BCAS1: variants seen among roughly 807,000 people sequenced by gnomAD.
BCAS1 encodes brain enriched myelin associated protein 1, also known as breast carcinoma-amplified sequence 1.
A neutral mutation model predicts 65.4 loss-of-function variants in BCAS1; 46 were observed. The ratio of observed to expected loss-of-function variants is 0.70; its 90% CI spans 0.55 to 0.90. The LOEUF is 0.90. BCAS1 is among the 40% of genes least tolerant of loss of function. BCAS1 has a pLI of 0.00. For synonymous variants in BCAS1, 298 were observed against 293.5 expected, an observed-to-expected ratio of 1.02 and a Z score of -0.16; for missense variants, 793 against 771.2, an observed-to-expected ratio of 1.03 and a Z score of -0.33.
chr20:53,988,493 C>T (rs1025189453), intron 7 of BCAS1, among the ~76,000 whole-genome samples: 10 of 152,140 alleles, frequency 6.6e-5, no homozygotes, highest in East Asian at 3.8e-4. Context: ...AGTCCTATGA[C>T]GAACGATTAT....
chr20:53,996,153 C>T (rs888562253), intron 4 of BCAS1, 103 bp from the exon 5 acceptor site: 7 of 1,250,234 alleles, frequency 5.6e-6, no homozygotes, highest in Non-Finnish European at 7.7e-6. Flanking sequence ...TAATTCCAGC[C>T]ATACTTCTTC....
intron 4 of BCAS1, among the ~76,000 whole-genome samples, chr20:54,023,174 G>C (rs1021478782): frequency 6.6e-6 from 1 of 152,108 alleles, no homozygotes; most frequent in Non-Finnish European, 1.5e-5. Context: ...TTGGGATTTT[G>C]GGTATTTACA....
chr20:54,007,182 C>A (rs1349831009), intron 4 of BCAS1, among the ~76,000 whole-genome samples: 1 of 152,206 alleles, frequency 6.6e-6, no homozygotes, highest in African/African-American at 2.4e-5. Flanking sequence ...GTCTAGGTTG[C>A]CCGCAGCTCC....
At chr20:54,010,391 A>C (rs887192611) in intron 4 of BCAS1, among the ~76,000 whole-genome samples, 6 of 152,224 alleles carry the variant, frequency 3.9e-5, no homozygotes, top group Non-Finnish European at 7.4e-5. Flanking sequence ...AATTGAGTTC[A>C]GCAAGGCTGA....
chr20:54,015,193 G>A (rs754715662), intron 4 of BCAS1, among the ~76,000 whole-genome samples: 9 of 151,704 alleles, frequency 5.9e-5, no homozygotes, highest in Non-Finnish European at 1.0e-4. Flanking sequence ...CACCATGCCC[G>A]GCTAATTTTT....
At chr20:53,948,578 T>C (rs1158356287) in intron 12 of BCAS1, among the ~76,000 whole-genome samples, 1 of 152,146 alleles carries the variant, frequency 6.6e-6, no homozygotes, top group Admixed American at 6.5e-5. Flanking sequence ...GCCTCATACA[T>C]ACACATGCCC....
chr20:53,953,310 T>C, intron 12 of BCAS1, 122 bp downstream of exon 12: 1 of 1,271,180 alleles, frequency 7.9e-7, no homozygotes, highest in Non-Finnish European at 1.1e-6. Flanking sequence ...TCAAAAACCC[T>C]GAGTGATAGA....
chr20:54,003,981 C>T (rs542829767), intron 4 of BCAS1, among the ~76,000 whole-genome samples: 6 of 152,274 alleles, frequency 3.9e-5, no homozygotes, highest in South Asian at 4.1e-4. Context: ...TGTTGATATA[C>T]GTATGAGGAA....
At chr20:54,015,292 A>G (rs989702852) in intron 4 of BCAS1, among the ~76,000 whole-genome samples, 1 of 151,720 alleles carries the variant, frequency 6.6e-6, no homozygotes, top group African/African-American at 2.4e-5. Context: ...TTGGCCTCCC[A>G]AAGTGTTGGG....
chr20:53,958,381 C>T lies in BCAS1; in HGVS notation c.1486-884G>A, dbSNP rs536436421. ...CATTGACTCAGGTCTAATTCCCACACGTTTGATCACTGCTTAATGTCTCCT... is the reference window on the plus strand; with the variant it reads ...CATTGACTCAGGTCTAATTCCCACATGTTTGATCACTGCTTAATGTCTCCT... On this transcript the variant is annotated intron_variant, in intron 10 of 12. Transcript: ENST00000688948. 4.6e-5 allele frequency among the ~76,000 whole-genome samples: 7 copies of T among 152,300 alleles called. 1 individual carries two copies. The South Asian group carries it at 8.3e-4, about 18-fold the overall frequency.
chr20:54,043,826 T>C (rs2092047299), intron 3 of BCAS1, among the ~76,000 whole-genome samples: 1 of 152,200 alleles, frequency 6.6e-6, no homozygotes, highest in Admixed American at 6.5e-5. Flanking sequence ...TGCGAGTCAC[T>C]GCTATTGGGC....
chr20:53,997,496 A>G (rs893340640), intron 4 of BCAS1, among the ~76,000 whole-genome samples: 2 of 152,176 alleles, frequency 1.3e-5, no homozygotes, highest in African/African-American at 4.8e-5. Context: ...GGACATTCAC[A>G]GTGTGTATAG....
chr20:53,951,455 G>A (rs952699359), intron 12 of BCAS1, among the ~76,000 whole-genome samples: 2 of 152,166 alleles, frequency 1.3e-5, no homozygotes, highest in Non-Finnish European at 2.9e-5. Context: ...TGGGCAACAA[G>A]AGCGAAACTC....
chr20:54,033,672 T>TA (rs923826094), intron 3 of BCAS1, among the ~76,000 whole-genome samples: 4 of 150,666 alleles, frequency 2.7e-5, no homozygotes, highest in Non-Finnish European at 4.5e-5. Context: ...CTACCAACCA[T>TA]AAAAAAACCC....
At chr20:53,966,069 A>C (rs1339925461) in intron 10 of BCAS1, among the ~76,000 whole-genome samples, 2 of 152,196 alleles carry the variant, frequency 1.3e-5, no homozygotes, top group Admixed American at 6.5e-5. Context: ...AACAGTGTGG[A>C]GATTCCTTAA....
At chr20:54,059,378 T>C (rs190051830) in intron 1 of BCAS1, among the ~76,000 whole-genome samples, 1 of 151,692 alleles carries the variant, frequency 6.6e-6, no homozygotes, top group East Asian at 1.9e-4. Context: ...TTTTCTCTTT[T>C]AGTTAAAGTC....
intron 7 of BCAS1, among the ~76,000 whole-genome samples, chr20:53,986,820 C>G (rs1348723422): frequency 6.6e-6 from 1 of 152,110 alleles, no homozygotes. Flanking sequence ...TGCTTGAGTC[C>G]AGGAGGCTGC....
chr20:54,030,743 TG>T (rs1357546285), intron 3 of BCAS1, among the ~76,000 whole-genome samples: 1 of 151,416 alleles, frequency 6.6e-6, no homozygotes, highest in African/African-American at 2.4e-5. Context: ...AGAAATGGTC[TG>T]GGGCAAGCCC....
At chr20:54,045,612 T>C (rs962262997) in intron 3 of BCAS1, among the ~76,000 whole-genome samples, 2 of 152,220 alleles carry the variant, frequency 1.3e-5, no homozygotes, top group Non-Finnish European at 2.9e-5. Context: ...TTCTTGTAAA[T>C]GCCTATGCTA....
Sources: gnomAD v4.1 joint callset for allele counts (sites outside exome capture counted in the v4.1 genomes callset) on GRCh38, gnomAD v4.1.1 for gene constraint, MANE v1.5 for transcripts, NCBI Gene and HGNC (gene_info 2026-07-23, HGNC 2026-07-21) for gene names.